LTN1: variants seen among roughly 807,000 people sequenced by gnomAD.
The protein encoded by LTN1 is E3 ubiquitin-protein ligase listerin.
Under a neutral mutation model 201.2 loss-of-function variants are expected in LTN1, and 88 were observed. The observed-to-expected ratio is 0.44, with a 90% CI of 0.37 to 0.52. The LOEUF (loss-of-function observed/expected upper bound fraction) is 0.52, where lower values mean the gene tolerates loss of function less well. Among genes scored for constraint, LTN1 ranks in the 20% least tolerant of loss-of-function variants. LTN1 has a pLI of 0.00. For synonymous variants in LTN1, 645 were observed against 713.5 expected (o/e 0.90, Z 1.53); for missense variants, 1,752 against 2,038.7 (o/e 0.86, Z 2.71).
chr21:28,982,299 GA>G lies in LTN1; in HGVS notation c.629+16del, dbSNP rs2084665008. On this transcript the variant is annotated intron_variant, in intron 5 of 29. Coordinates refer to ENST00000361371, the MANE Select transcript of LTN1 (RefSeq NM_015565.3). ...ACAAATCCTTAACATGAGTTACAATGAAACAATACAACTTACTGCGGGTCAC... is the reference window on the plus strand; with the variant it reads ...ACAAATCCTTAACATGAGTTACAATGAACAATACAACTTACTGCGGGTCAC... 6.2e-7 allele frequency: 1 copy of G among 1,600,948 alleles called. No individual in the cohort carries two copies. Among genetic ancestry groups the G allele is most frequent in the African/African-American group, 1.3e-5 (1 of 74,704 alleles).
At chr21:28,960,468 G>C (rs376003057) in intron 12 of LTN1, 49 bp downstream of exon 12, 122 of 1,418,926 alleles carry the variant, frequency 8.6e-5, no homozygotes, top group Non-Finnish European at 1.1e-4. Context: ...CCCCACAAAG[G>C]AGAAATGGAC....
chr21:28,948,271 T>C (rs893759019), intron 18 of LTN1, among the ~76,000 whole-genome samples: 14 of 134,850 alleles, frequency 1.0e-4, no homozygotes, highest in African/African-American at 3.9e-4. Flanking sequence ...CTTTTCTTTC[T>C]TTTTTTTTTT....
At chr21:28,935,035 G>C (rs1300854061) in intron 27 of LTN1, 74 bp downstream of exon 27, 2 of 967,922 alleles carry the variant, frequency 2.1e-6, no homozygotes, top group Non-Finnish European at 1.6e-6. Flanking sequence ...GCTACAGTCT[G>C]TTATGATATT....
intron 6 of LTN1, among the ~76,000 whole-genome samples, chr21:28,972,539 T>A (rs990282143): frequency 6.6e-6 from 1 of 152,124 alleles, no homozygotes; most frequent in Non-Finnish European, 1.5e-5. Flanking sequence ...TAAAGTAGCC[T>A]GAATGGACTA....
At chr21:28,989,879 G>A (rs1186052604) in intron 1 of LTN1, among the ~76,000 whole-genome samples, 2 of 151,804 alleles carry the variant, frequency 1.3e-5, no homozygotes, top group Non-Finnish European at 2.9e-5. Context: ...AGCCGGGTGT[G>A]ATGGTGCATG....
chr21:28,943,964 G>A, intron 22 of LTN1, 60 bp from the exon 23 acceptor site: 1 of 865,578 alleles, frequency 1.2e-6, no homozygotes, highest in Admixed American at 2.0e-5. Context: ...TAGCTTAAAT[G>A]ATTCACAAAC....
intron 15 of LTN1, 41 bp downstream of exon 15, chr21:28,957,291 A>G: frequency 6.6e-7 from 1 of 1,505,008 alleles, no homozygotes; most frequent in Non-Finnish European, 8.9e-7. Context: ...ATGAAATCCA[A>G]ACTTCAGAAT....
At chr21:28,978,291 C>T (rs1006094727) in intron 6 of LTN1, among the ~76,000 whole-genome samples, 17 of 152,224 alleles carry the variant, frequency 1.1e-4, no homozygotes, top group African/African-American at 3.4e-4. Flanking sequence ...CTTGGCCTCC[C>T]GAAGTTCTGG....
At chr21:28,974,782 A>G (rs772991503) in intron 6 of LTN1, among the ~76,000 whole-genome samples, 1 of 152,124 alleles carries the variant, frequency 6.6e-6, no homozygotes, top group Non-Finnish European at 1.5e-5. Flanking sequence ...ATGCATGTGC[A>G]CTCCACTATG....
chr21:28,967,104 T>C lies in LTN1; in HGVS notation c.1387A>G (p.Thr463Ala), dbSNP rs1321435612. ...HGQLFNHLAETLSSWEAKADT... is the reference protein window; with the variant it reads ...HGQLFNHLAEALSSWEAKADT... ...GCTTTGGCTTCCCAGGAACTTAGAG[T>C]TTCTGCTAAATGGTTAAATAGCTGC... Residue 463 changes from threonine (T) to alanine (A), a missense_variant, in exon 10 of 30, where the codon ACT (threonine) becomes GCT (alanine). This residue lies in a region of LTN1 where 1,211 missense variants were observed against 1,312.8 expected (regional missense o/e 0.92). Coordinates refer to ENST00000361371, the MANE Select transcript of LTN1 (RefSeq NM_015565.3). 1 of 1,614,108 alleles carries C rather than the reference T, an allele frequency of 6.2e-7. No individual in the cohort carries two copies. Among genetic ancestry groups the C allele is most frequent in the East Asian group, 2.2e-5 (1 of 44,880 alleles).
intron 1 of LTN1, among the ~76,000 whole-genome samples, chr21:28,992,045 C>A (rs994205453): frequency 4.6e-5 from 7 of 152,088 alleles, no homozygotes; most frequent in Non-Finnish European, 7.4e-5. Context: ...CCTAGTGAAC[C>A]AAGACAATAA....
At chr21:28,975,778 AC>A (rs1156291261) in intron 6 of LTN1, among the ~76,000 whole-genome samples, 6 of 152,210 alleles carry the variant, frequency 3.9e-5, no homozygotes, top group Non-Finnish European at 7.4e-5. Context: ...TGGTAGGAGT[AC>A]TACAACTTTA....
rs113138872 is a variant in LTN1, at chr21:28,930,283, G to C, written c.*165C>G. Reference sequence around the variant, plus strand: ...CATTTACAAAGCAATCTAAAGTTAAGTAAACCTGATTTTAGGATTATTACA... The same window carrying C: ...CATTTACAAAGCAATCTAAAGTTAACTAAACCTGATTTTAGGATTATTACA... On this transcript the variant is annotated 3_prime_UTR_variant, in exon 30 of 30. Coordinates refer to ENST00000361371, the MANE Select transcript of LTN1 (RefSeq NM_015565.3). The C allele has an allele frequency of 2.9e-5, 13 of 448,146 alleles. 1 individual carries two copies. Among genetic ancestry groups the C allele is most frequent in the African/African-American group, 1.6e-4 (8 of 49,396 alleles). 27.8% of individuals were successfully genotyped at this position (448,146 alleles called of 1,614,324 possible). A position where few individuals can be genotyped will look rare whatever the true frequency, so the allele number is the denominator to read the frequency against.
At chr21:28,942,512 G>A (rs2084305099) in intron 24 of LTN1, among the ~76,000 whole-genome samples, 1 of 152,142 alleles carries the variant, frequency 6.6e-6, no homozygotes, top group Non-Finnish European at 1.5e-5. Flanking sequence ...AGAAATAAGA[G>A]AGAGAAATTC....
chr21:28,986,573 A>G lies in LTN1; in HGVS notation c.246+158T>C, dbSNP rs2084700190. ...AACTAATTTACGACCTAGAAAATAA[A>G]TATCAACTAAGTTTAAGACTCTGTG... On this transcript the variant is annotated intron_variant, in intron 2 of 29. Coordinates refer to ENST00000361371, the MANE Select transcript of LTN1 (RefSeq NM_015565.3). The surrounding 1 kb of genome is among the most constrained non-coding windows in gnomAD (Gnocchi z 4.1). 3.0e-6 allele frequency: 2 copies of G among 666,218 alleles called. No homozygotes were observed. The highest frequency in any genetic ancestry group is 5.1e-6 in the Non-Finnish European group (2 of 393,256). 41.3% of individuals were successfully genotyped at this position (666,218 alleles called of 1,614,324 possible).
At chr21:28,958,620 A>G in intron 13 of LTN1, 81 bp from the exon 14 acceptor site, 1 of 1,017,864 alleles carries the variant, frequency 9.8e-7, no homozygotes, top group South Asian at 1.8e-5. Flanking sequence ...ACAACTCTAC[A>G]GATCTGAGAT....
Position 28,970,560 on chromosome 21 carries a change from T to A in LTN1, c.1167A>T (p.Leu389=). Residue 389 remains leucine (L), a synonymous_variant, in exon 8 of 30, where the codon CTA becomes CTT. Transcript: ENST00000361371. The part of the protein sequence containing the change: ...LDFFKNFLTS[L]VAGLSTERTK... ...AAATTTAAATTACTTACCCAGCAAC[T>A]AGAGACGTGAGGAAATTTTTGAAGA... The A allele has an allele frequency of 6.2e-7, 1 of 1,610,152 alleles. No individual in the cohort carries two copies. Among genetic ancestry groups the A allele is most frequent in the Middle Eastern group, 1.7e-4 (1 of 6,056 alleles).
chr21:28,965,323 A>C (rs548921315), intron 11 of LTN1, among the ~76,000 whole-genome samples: 3 of 152,336 alleles, frequency 2.0e-5, no homozygotes, highest in African/African-American at 7.2e-5. Context: ...ATTAGGAAAG[A>C]ATACTTAAGC....
In LTN1 at chr21:28,966,956, A is replaced by C. The variant is rs763361839; in HGVS notation, c.1535T>G (p.Val512Gly). ...CTGTAATAGGTTAGATACACCCAAA[A>C]CGGACTCAACATCAGCTTCTGGCTC... The part of the protein sequence containing the change: ...ISEPEADVES[V>G]LGVSNLLQVL... Residue 512 changes from valine to glycine, a missense_variant, in exon 10 of 30, where the codon GTT becomes GGT. Around this residue, in one of 3 missense-constraint regions of LTN1, gnomAD observed 1,211 missense variants for 1,312.8 expected, o/e 0.92. Transcript: ENST00000361371. 2.5e-6 allele frequency: 4 copies of C among 1,613,846 alleles called. No individual in the cohort carries two copies. The highest frequency in any genetic ancestry group is 3.4e-6 in the Non-Finnish European group (4 of 1,179,960).
Sources: allele counts gnomAD v4.1 joint callset (sites outside exome capture counted in the v4.1 genomes callset), GRCh38; gene constraint gnomAD v4.1.1; regional missense constraint gnomAD v4.1.1; non-coding constraint Gnocchi (gnomAD v3.1); transcripts MANE v1.5; gene names NCBI Gene and HGNC (gene_info 2026-07-23, HGNC 2026-07-21).